The following CCSER1 variants were observed in gnomAD, a reference collection of about 807,000 sequenced individuals.
The protein encoded by CCSER1 is serine-rich coiled-coil domain-containing protein 1.
In CCSER1, 41 loss-of-function variants were observed where a neutral mutation model predicts 82.0. The ratio of observed to expected loss-of-function variants is 0.50; its 90% CI spans 0.39 to 0.65. The LOEUF (loss-of-function observed/expected upper bound fraction) is 0.65, where lower values mean the gene tolerates loss of function less well. CCSER1 is among the 30% of genes least tolerant of loss of function. The pLI is 0.00. For synonymous variants in CCSER1, 414 were observed against 383.9 expected, an observed-to-expected ratio of 1.08 and a Z score of -0.92; for missense variants, 1,119 against 1,064.2, an observed-to-expected ratio of 1.05 and a Z score of -0.72.
At chr4:90,527,878 C>G (rs1773987946) in intron 5 of CCSER1, among the ~76,000 whole-genome samples, 1 of 151,838 alleles carries the variant, frequency 6.6e-6, no homozygotes, top group African/African-American at 2.4e-5. Context: ...AAAGCTTTAC[C>G]TAAAATATAC....
chr4:90,554,547 C>G (rs576105086), intron 5 of CCSER1, among the ~76,000 whole-genome samples: 1 of 152,128 alleles, frequency 6.6e-6, no homozygotes, highest in Admixed American at 6.5e-5. Flanking sequence ...CTACATTGTT[C>G]CTCAGGTTTT....
chr4:90,984,454 G>A (rs1383531778), intron 9 of CCSER1, among the ~76,000 whole-genome samples: 2 of 151,660 alleles, frequency 1.3e-5, no homozygotes, highest in African/African-American at 4.8e-5. Flanking sequence ...AGTAGCTTTC[G>A]TGTCTCCCCT....
chr4:90,426,008 G>A (rs1374707491), intron 4 of CCSER1, among the ~76,000 whole-genome samples: 3 of 152,072 alleles, frequency 2.0e-5, no homozygotes, highest in East Asian at 1.9e-4. Context: ...GAGAAGTGAC[G>A]TTTTTCCATG....
intron 3 of CCSER1, among the ~76,000 whole-genome samples, chr4:90,364,465 AATATG>A (rs1359503549): frequency 2.6e-5 from 4 of 152,094 alleles, no homozygotes; most frequent in Non-Finnish European, 5.9e-5. Context: ...TGCAATTAAA[AATATG>A]ATATTCAACT....
At chr4:91,283,414 T>G (rs1374710150) in intron 10 of CCSER1, among the ~76,000 whole-genome samples, 1 of 152,104 alleles carries the variant, frequency 6.6e-6, no homozygotes, top group Non-Finnish European at 1.5e-5. Flanking sequence ...CAACTACTAA[T>G]GCACTGCTTA....
chr4:90,744,297 C>T (rs1306950869), intron 7 of CCSER1, among the ~76,000 whole-genome samples: 2 of 152,024 alleles, frequency 1.3e-5, no homozygotes, highest in Non-Finnish European at 2.9e-5. Flanking sequence ...AACTTAGACT[C>T]CATTTTACAG....
chr4:91,317,603 C>CGTGTGTGTGTGTGTGCGT (rs1745922988), intron 10 of CCSER1, among the ~76,000 whole-genome samples: 3 of 148,546 alleles, frequency 2.0e-5, no homozygotes, highest in South Asian at 2.1e-4. Flanking sequence ...TGTGTGTGTG[C>CGTGTGTGTGTGTGTGCGT]GTGTGTGTGT....
chr4:91,055,832 G>T (rs112577300), intron 9 of CCSER1, among the ~76,000 whole-genome samples: 5,361 of 111,804 alleles, frequency 0.048, 107 homozygotes, highest in Middle Eastern at 0.16. Flanking sequence ...TGCATATGTT[G>T]GTCTGCATGA....
Position 90,923,263 on chromosome 4 carries a change from A to T in CCSER1, c.2095-107A>T. On this transcript the variant is annotated intron_variant, in intron 8 of 10. Coordinates refer to ENST00000509176, the MANE Select transcript of CCSER1 (RefSeq NM_001145065.2). ...CTAACACAGCAAAGCATATGCACAGAGAAGAACATGAATTATACACTAATC... is the reference window on the plus strand; with the variant it reads ...CTAACACAGCAAAGCATATGCACAGTGAAGAACATGAATTATACACTAATC... 3 of 789,584 alleles carry T rather than the reference A, an allele frequency of 3.8e-6. No homozygotes were observed. In the Admixed American group the frequency reaches 6.4e-5, roughly 17 times the overall value. The allele number at this position is 789,584 out of a possible 1,614,324, so 48.9% of individuals were successfully genotyped here. A position where few individuals can be genotyped will look rare whatever the true frequency, so the allele number is the denominator to read the frequency against.
At chr4:90,665,376 C>T (rs1175365610) in intron 6 of CCSER1, among the ~76,000 whole-genome samples, 1 of 150,310 alleles carries the variant, frequency 6.7e-6, no homozygotes, top group African/African-American at 2.5e-5. Flanking sequence ...GGCTGGAGTG[C>T]AGTGGCGTGA....
intron 1 of CCSER1, among the ~76,000 whole-genome samples, chr4:90,162,747 C>CA (rs936582789): frequency 2.6e-5 from 4 of 151,712 alleles, no homozygotes; most frequent in Non-Finnish European, 2.9e-5. Context: ...GACCTGTGAC[C>CA]AAAAAAAATT....
chr4:90,205,056 C>T (rs188944814), intron 1 of CCSER1, among the ~76,000 whole-genome samples: 1 of 151,908 alleles, frequency 6.6e-6, no homozygotes, highest in East Asian at 1.9e-4. Context: ...TATCCTGAGA[C>T]TGCTGAAGTT....
At chr4:91,015,634 A>T (rs1739362939) in intron 9 of CCSER1, 1 of 152,024 alleles carries the variant, frequency 6.6e-6, no homozygotes, top group East Asian at 1.9e-4. Context: ...AAAATACAAT[A>T]TTTAAATATT....
At chr4:91,140,690 T>C (rs892171286) in intron 10 of CCSER1, among the ~76,000 whole-genome samples, 1 of 152,222 alleles carries the variant, frequency 6.6e-6, no homozygotes, top group African/African-American at 2.4e-5. Flanking sequence ...TTGGAAATCA[T>C]GTTTTTTCAC....
intron 7 of CCSER1, among the ~76,000 whole-genome samples, chr4:90,792,421 C>T (rs1755386057): frequency 6.6e-6 from 1 of 152,164 alleles, no homozygotes; most frequent in Non-Finnish European, 1.5e-5. Context: ...CTAAAAACTG[C>T]ATATGTATTC....
At chr4:91,389,861 T>A (rs1432323927) in intron 10 of CCSER1, among the ~76,000 whole-genome samples, 1 of 152,058 alleles carries the variant, frequency 6.6e-6, no homozygotes, top group African/African-American at 2.4e-5. Context: ...TATGTGGTTT[T>A]AATTTCAAAT....
chr4:90,424,520 A>T (rs1225475957), intron 4 of CCSER1, among the ~76,000 whole-genome samples: 1 of 152,202 alleles, frequency 6.6e-6, no homozygotes, highest in African/African-American at 2.4e-5. Flanking sequence ...ATGCCTATAG[A>T]TGCATTTATA....
intron 10 of CCSER1, among the ~76,000 whole-genome samples, chr4:91,459,964 A>T (rs1756411345): frequency 1.3e-5 from 2 of 152,124 alleles, no homozygotes; most frequent in South Asian, 4.2e-4. Flanking sequence ...AAGAGATAGA[A>T]ATATCATAGC....
chr4:90,380,678 A>G (rs1749065577), intron 3 of CCSER1, among the ~76,000 whole-genome samples: 1 of 152,092 alleles, frequency 6.6e-6, no homozygotes, highest in African/African-American at 2.4e-5. Context: ...TGTTATCTGG[A>G]TCTAGCCATG....
Sources: gnomAD v4.1 joint callset for allele counts (sites outside exome capture counted in the v4.1 genomes callset) on GRCh38, gnomAD v4.1.1 for gene constraint, MANE v1.5 for transcripts, NCBI Gene and HGNC (gene_info 2026-07-23, HGNC 2026-07-21) for gene names.